The following CSMD1 variants were observed in gnomAD, a reference collection of about 807,000 sequenced individuals.
CSMD1 encodes the protein CUB and Sushi multiple domains 1.
A neutral mutation model predicts 417.5 loss-of-function variants in CSMD1; 213 were observed. The observed-to-expected ratio is 0.51, with a 90% confidence interval of 0.46 to 0.57. CSMD1 has a LOEUF of 0.57. Ranked by LOEUF, CSMD1 falls within the 20% of genes least tolerant of loss-of-function variation. The probability of loss-of-function intolerance (pLI) is 0.00; values close to 1 mark genes in which losing one functional copy is unlikely to be tolerated. For missense variants in CSMD1, 6,923 were observed against 4,529.7 expected (o/e 1.53, Z -15.17); for synonymous variants, 2,862 against 1,736.8 (o/e 1.65, Z -16.11).
chr8:3,386,728 G>A (rs1306151125), intron 18 of CSMD1, among the ~76,000 whole-genome samples: 1 of 152,118 alleles, frequency 6.6e-6, no homozygotes, highest in Non-Finnish European at 1.5e-5. Context: ...TAGAAACAAT[G>A]TTTCCTGGAA....
chr8:4,163,315 C>T (rs943670929), intron 3 of CSMD1, among the ~76,000 whole-genome samples: 2 of 152,212 alleles, frequency 1.3e-5, no homozygotes, highest in African/African-American at 4.8e-5. Flanking sequence ...ACCCAATTGT[C>T]TTCCAAAGTG....
At chr8:3,846,353 T>C (rs1803502083) in intron 5 of CSMD1, among the ~76,000 whole-genome samples, 1 of 152,196 alleles carries the variant, frequency 6.6e-6, no homozygotes, top group Admixed American at 6.5e-5. Context: ...GGTCCATAGC[T>C]GATTAAAATG....
At chr8:3,375,109 C>T (rs535307885) in intron 18 of CSMD1, 1 of 152,190 alleles carries the variant, frequency 6.6e-6, no homozygotes, top group Non-Finnish European at 1.5e-5. Flanking sequence ...TGAAACCTGA[C>T]AGCTTCCACA....
chr8:3,298,484 T>A (rs1443440738), intron 25 of CSMD1, among the ~76,000 whole-genome samples: 1 of 152,314 alleles, frequency 6.6e-6, no homozygotes, highest in Middle Eastern at 3.4e-3. Context: ...GACAGAGTCT[T>A]GATCTGTTGA....
At chr8:4,011,053 A>T (rs926020709) in intron 4 of CSMD1, among the ~76,000 whole-genome samples, 2 of 152,176 alleles carry the variant, frequency 1.3e-5, no homozygotes, top group African/African-American at 4.8e-5. Flanking sequence ...CTCTTGCCAA[A>T]TCCTCACTGC....
intron 37 of CSMD1, among the ~76,000 whole-genome samples, chr8:3,174,449 C>T (rs1820783206): frequency 6.6e-6 from 1 of 152,162 alleles, no homozygotes; most frequent in African/African-American, 2.4e-5. Flanking sequence ...GAGCTGAGAT[C>T]ATGCCACTGC....
chr8:3,430,943 T>TA (rs762405196), intron 12 of CSMD1, among the ~76,000 whole-genome samples: 1 of 152,222 alleles, frequency 6.6e-6, no homozygotes, highest in Non-Finnish European at 1.5e-5. Context: ...GCATGACTAG[T>TA]AAACTGGAGG....
intron 23 of CSMD1, among the ~76,000 whole-genome samples, chr8:3,309,659 CTCTT>C (rs1319859708): frequency 2.6e-5 from 4 of 152,190 alleles, no homozygotes; most frequent in Non-Finnish European, 1.5e-5. Flanking sequence ...ACCACATGGT[CTCTT>C]TCCTTCTATT....
chr8:4,398,385 C>CTTT (rs1317009143), intron 3 of CSMD1, among the ~76,000 whole-genome samples: 10,449 of 117,108 alleles, frequency 0.089, 935 homozygotes, highest in Middle Eastern at 0.15. Context: ...CTTGCTGCAA[C>CTTT]TTCTTTTTTT....
At chr8:4,511,038 C>T (rs1399726855) in intron 2 of CSMD1, among the ~76,000 whole-genome samples, 1 of 151,996 alleles carries the variant, frequency 6.6e-6, no homozygotes, top group Non-Finnish European at 1.5e-5. Flanking sequence ...TTATTTTTCT[C>T]CCCTCTCTTG....
At chr8:4,024,335 G>C (rs1346514151) in intron 4 of CSMD1, among the ~76,000 whole-genome samples, 1 of 152,136 alleles carries the variant, frequency 6.6e-6, no homozygotes, top group African/African-American at 2.4e-5. Flanking sequence ...CAGAAAACCA[G>C]AAATGGTTAA....
intron 5 of CSMD1, among the ~76,000 whole-genome samples, chr8:3,870,136 G>A (rs987644255): frequency 4.6e-5 from 7 of 152,168 alleles, no homozygotes; most frequent in Admixed American, 6.5e-5. Context: ...TAAAAACAGA[G>A]ATTACACATT....
At chr8:4,636,547 G>T (rs1000512214) in intron 2 of CSMD1, among the ~76,000 whole-genome samples, 1 of 152,038 alleles carries the variant, frequency 6.6e-6, no homozygotes, top group Non-Finnish European at 1.5e-5. Flanking sequence ...TAGCTGAATT[G>T]TACTCAAGAA....
chr8:3,821,348 G>C (rs114418813), intron 5 of CSMD1, among the ~76,000 whole-genome samples: 1,773 of 152,324 alleles, frequency 0.012, 37 homozygotes, highest in African/African-American at 0.04. Flanking sequence ...GTAGATGCAT[G>C]AGACCCGTCT....
intron 3 of CSMD1, among the ~76,000 whole-genome samples, chr8:4,387,037 G>T (rs1185660913): frequency 6.6e-6 from 1 of 152,116 alleles, no homozygotes; most frequent in Admixed American, 6.6e-5. Context: ...AGATACATGG[G>T]GGATATCCAG....
intron 5 of CSMD1, among the ~76,000 whole-genome samples, chr8:3,964,942 G>C (rs904410387): frequency 6.6e-6 from 1 of 152,046 alleles, no homozygotes; most frequent in Admixed American, 6.6e-5. Flanking sequence ...CATTTTGGGG[G>C]TTTATCCTCG....
chr8:4,989,922 A>T (rs2117473255), intron 1 of CSMD1, among the ~76,000 whole-genome samples: 1 of 152,322 alleles, frequency 6.6e-6, no homozygotes, highest in South Asian at 2.1e-4. Context: ...ACTGGAGAGT[A>T]AGGAAGCATT....
intron 26 of CSMD1, among the ~76,000 whole-genome samples, chr8:3,245,881 T>G (rs1166558026): frequency 6.6e-6 from 1 of 152,218 alleles, no homozygotes; most frequent in African/African-American, 2.4e-5. Context: ...CTTTGCAATT[T>G]CTTAGCAGAT....
At chr8:3,314,412 G>T (rs1034894328) in intron 23 of CSMD1, among the ~76,000 whole-genome samples, 1 of 151,998 alleles carries the variant, frequency 6.6e-6, no homozygotes, top group Non-Finnish European at 1.5e-5. Flanking sequence ...CATACAGAAG[G>T]TATCCTTTTC....
Sources: gnomAD v4.1 joint callset for allele counts (sites outside exome capture counted in the v4.1 genomes callset) on GRCh38, gnomAD v4.1.1 for gene constraint, MANE v1.5 for transcripts, NCBI Gene and HGNC (gene_info 2026-07-23, HGNC 2026-07-21) for gene names.